Variants in RNF216 observed in about 807,000 individuals in gnomAD.
RNF216 encodes E3 ubiquitin-protein ligase RNF216.
A neutral mutation model predicts 110.8 loss-of-function variants in RNF216; 72 were observed. That is an observed-to-expected ratio of 0.65 (90% CI 0.54 to 0.79). The LOEUF (loss-of-function observed/expected upper bound fraction) is 0.79, where lower values mean the gene tolerates loss of function less well. Among genes scored for constraint, RNF216 ranks in the 30% least tolerant of loss-of-function variants. The probability of loss-of-function intolerance (pLI) is 0.00; values close to 1 mark genes in which losing one functional copy is unlikely to be tolerated. For missense variants in RNF216, 1,342 were observed against 1,141.2 expected (o/e 1.18, Z -2.54); for synonymous variants, 495 against 407.5 (o/e 1.21, Z -2.59).
chr7:5,691,432 TGCGTA>T (rs1445984430), intron 13 of RNF216, among the ~76,000 whole-genome samples: 1 of 151,412 alleles, frequency 6.6e-6, no homozygotes, highest in African/African-American at 2.4e-5. Flanking sequence ...AACAGATGAA[TGCGTA>T]AGTGTACAAG....
At chr7:5,754,039 A>G (rs111618510) in intron 2 of RNF216, among the ~76,000 whole-genome samples, 7 of 152,146 alleles carry the variant, frequency 4.6e-5, no homozygotes, top group African/African-American at 1.7e-4. Flanking sequence ...GAAGAGAAGA[A>G]GAAAGAAACG....
At chr7:5,727,704 G>GA (rs1793844474) in intron 7 of RNF216, among the ~76,000 whole-genome samples, 1 of 152,104 alleles carries the variant, frequency 6.6e-6, no homozygotes, top group Non-Finnish European at 1.5e-5. Context: ...ACTCCAGCCT[G>GA]GGTGAGAGAG....
chr7:5,760,963 A>C, intron 2 of RNF216, 40 bp downstream of exon 2: 1 of 1,475,822 alleles, frequency 6.8e-7, no homozygotes, highest in Non-Finnish European at 9.3e-7. Context: ...TAAAAGAAAA[A>C]GCCACAGGGA....
intron 2 of RNF216, among the ~76,000 whole-genome samples, chr7:5,755,632 G>A (rs1363777166): frequency 6.6e-6 from 1 of 152,182 alleles, no homozygotes; most frequent in Admixed American, 6.5e-5. Flanking sequence ...CATACTGCAT[G>A]CTGTTATAAT....
chr7:5,672,196 G>A (rs1367995611), intron 13 of RNF216, among the ~76,000 whole-genome samples: 1 of 152,218 alleles, frequency 6.6e-6, no homozygotes, highest in African/African-American at 2.4e-5. Flanking sequence ...AGGCTGTAGA[G>A]ACTGGGACTA....
At chr7:5,703,451 C>T (rs1384543034) in intron 13 of RNF216, among the ~76,000 whole-genome samples, 2 of 152,248 alleles carry the variant, frequency 1.3e-5, no homozygotes, top group African/African-American at 4.8e-5. Context: ...ATTCTCTTCA[C>T]GCAGCCATGC....
chr7:5,665,979 C>T (rs1254633093), intron 13 of RNF216, among the ~76,000 whole-genome samples: 2 of 152,082 alleles, frequency 1.3e-5, no homozygotes, highest in Non-Finnish European at 2.9e-5. Context: ...TCCTGGCTAA[C>T]ACGGTGAAAC....
At chr7:5,682,318 A>G (rs974378981) in intron 13 of RNF216, among the ~76,000 whole-genome samples, 2 of 152,186 alleles carry the variant, frequency 1.3e-5, no homozygotes, top group African/African-American at 4.8e-5. Context: ...CCGTCCCTCT[A>G]AAAGGGCAGC....
intron 13 of RNF216, among the ~76,000 whole-genome samples, chr7:5,674,999 AAAACAAAC>A (rs769893553): frequency 6.6e-6 from 1 of 152,122 alleles, no homozygotes; most frequent in African/African-American, 2.4e-5. Context: ...TCTGTCTCAA[AAAACAAAC>A]AAACAAACAA....
rs190715149 is a variant in RNF216 at position 5,753,119 on chromosome 7, C to T, written c.68-140G>A. 136 of 751,300 alleles carry T rather than the reference C, an allele frequency of 1.8e-4. No homozygotes were observed. The African/African-American group carries it at 2.4e-3, about 13-fold the overall frequency. The allele number at this position is 751,300 out of a possible 1,614,324, so 46.5% of individuals were successfully genotyped here. A position where few individuals can be genotyped will look rare whatever the true frequency, so the allele number is the denominator to read the frequency against. On this transcript the variant is annotated intron_variant, in intron 2 of 16. Coordinates refer to ENST00000389902, the MANE Select transcript of RNF216 (RefSeq NM_207111.4). ...CGTACCTCCTCAAGCAGCCCGTGCA[C>T]TTAAGCATTAAGAGCCATGTTTCTA...
chr7:5,675,714 C>CTTTTTTTTTTTTTT (rs754444984), intron 13 of RNF216, among the ~76,000 whole-genome samples: 25 of 141,202 alleles, frequency 1.8e-4, no homozygotes, highest in Non-Finnish European at 2.6e-4. Flanking sequence ...TATTCAAATT[C>CTTTTTTTTTTTTTT]TTTTTTTTTT....
At chr7:5,700,069 C>CT (rs1367675330) in intron 13 of RNF216, among the ~76,000 whole-genome samples, 1 of 152,210 alleles carries the variant, frequency 6.6e-6, no homozygotes, top group Non-Finnish European at 1.5e-5. Flanking sequence ...TACTGTTCCC[C>CT]TTCTCCACAT....
intron 14 of RNF216, among the ~76,000 whole-genome samples, chr7:5,648,734 AAAAAAAAGAAAAG>A (rs1344657483): frequency 6.6e-6 from 1 of 151,666 alleles, no homozygotes. Context: ...TCTCAAAAAA[AAAAAAAAGAAAAG>A]AAAAAAAGAA....
In RNF216 at chr7:5,636,675, C is replaced by T. The variant is rs1042617973; in HGVS notation, c.2382+4479G>A. ...GGTCTCCTGGTGAGAATCAAGGAAA[C>T]GGGGCTGATCGCTGTTTTGATGGGA... is the stretch of plus-strand genomic sequence containing the variant. On this transcript the variant is annotated intron_variant, in intron 15 of 16. Transcript: ENST00000389902. Among the ~76,000 whole-genome samples the T allele has an allele frequency of 3.9e-5, 6 of 152,164 alleles. 1 individual carries two copies. The highest frequency in any genetic ancestry group is 2.1e-4 in the South Asian group (1 of 4,830).
At chr7:5,760,197 T>C (rs541789063) in intron 2 of RNF216, among the ~76,000 whole-genome samples, 3 of 152,208 alleles carry the variant, frequency 2.0e-5, no homozygotes, top group Admixed American at 6.5e-5. Flanking sequence ...CCTTTACAAA[T>C]CAATAAAATT....
intron 15 of RNF216, among the ~76,000 whole-genome samples, chr7:5,636,479 A>C (rs1437423866): frequency 6.6e-6 from 1 of 152,214 alleles, no homozygotes; most frequent in Non-Finnish European, 1.5e-5. Flanking sequence ...CTTCCCTCCA[A>C]AACCATGATG....
chr7:5,715,891 G>A (rs541739119), intron 10 of RNF216, among the ~76,000 whole-genome samples: 16 of 151,852 alleles, frequency 1.1e-4, no homozygotes, highest in East Asian at 3.9e-4. Context: ...ACAGGCACCC[G>A]CCACTATGCC....
intron 3 of RNF216, among the ~76,000 whole-genome samples, chr7:5,745,132 G>T (rs148966920): frequency 6.6e-6 from 1 of 152,178 alleles, no homozygotes; most frequent in East Asian, 1.9e-4. Flanking sequence ...TTAGCAAATG[G>T]AATCCCCAGC....
At chr7:5,732,203 C>T (rs1040524695) in intron 5 of RNF216, among the ~76,000 whole-genome samples, 1 of 152,176 alleles carries the variant, frequency 6.6e-6, no homozygotes, top group Non-Finnish European at 1.5e-5. Flanking sequence ...TCCTAGAATT[C>T]ACTGGTGTGC....
Sources: gnomAD v4.1 joint callset for allele counts (sites outside exome capture counted in the v4.1 genomes callset) on GRCh38, gnomAD v4.1.1 for gene constraint, MANE v1.5 for transcripts, NCBI Gene and HGNC (gene_info 2026-07-23, HGNC 2026-07-21) for gene names.